Variants in FSIP1 observed in about 807,000 individuals in gnomAD.
The protein encoded by FSIP1 is fibrous sheath-interacting protein 1.
FSIP1 carries 65 observed loss-of-function variants against 60.9 expected under a neutral mutation model. The ratio of observed to expected loss-of-function variants is 1.07; its 90% CI spans 0.87 to 1.31. The LOEUF is 1.31. Among genes scored for constraint, FSIP1 ranks in the 40% most tolerant of loss-of-function variants. The pLI, the probability that FSIP1 is intolerant of heterozygous loss-of-function variation, is 0.00. For synonymous variants in FSIP1, 209 were observed against 221.2 expected, an observed-to-expected ratio of 0.94 and a Z score of 0.49; for missense variants, 675 against 665.5, an observed-to-expected ratio of 1.01 and a Z score of -0.16.
At chr15:39,760,007 A>G (rs1186094053) in intron 5 of FSIP1, among the ~76,000 whole-genome samples, 2 of 152,150 alleles carry the variant, frequency 1.3e-5, no homozygotes, top group Non-Finnish European at 2.9e-5. Context: ...GATTTTTTTC[A>G]GCCAACCACA....
intron 6 of FSIP1, 39 bp downstream of exon 6, chr15:39,741,766 C>A: frequency 9.9e-7 from 1 of 1,005,444 alleles, no homozygotes; most frequent in South Asian, 1.3e-5. Flanking sequence ...CCAGTATTCC[C>A]TTGTGAAAAT....
chr15:39,694,284 C>T (rs1894724686), intron 10 of FSIP1, among the ~76,000 whole-genome samples: 2 of 151,696 alleles, frequency 1.3e-5, no homozygotes, highest in Non-Finnish European at 2.9e-5. Flanking sequence ...ACTAGGAATT[C>T]CCTAACTCAG....
chr15:39,767,317 T>C (rs150919462), intron 3 of FSIP1, among the ~76,000 whole-genome samples: 132 of 152,324 alleles, frequency 8.7e-4, no homozygotes, highest in African/African-American at 2.9e-3. Flanking sequence ...TCCGTGAACA[T>C]AGGTAGTCTA....
intron 10 of FSIP1, among the ~76,000 whole-genome samples, chr15:39,658,069 A>G (rs116367563): frequency 0.015 from 2,324 of 152,272 alleles, 73 homozygotes; most frequent in African/African-American, 0.053. Context: ...AAAATGGGTG[A>G]CTATCTTTCC....
In FSIP1 at chr15:39,668,032, C is replaced by A. The variant is rs1893566172; in HGVS notation, c.1188+45412G>T. ...AGTGAAGAACGGGGTTGAAAATAAA[C>A]CTACAGCAGACAGGAGGAAAACAGT... On this transcript the variant is annotated intron_variant, in intron 10 of 11. Transcript: ENST00000350221. Among the ~76,000 whole-genome samples the A allele has an allele frequency of 3.3e-5, 5 of 152,012 alleles. No individual in the cohort carries two copies. In the South Asian group the frequency reaches 1.0e-3, roughly 32 times the overall value.
chr15:39,646,064 G>C (rs1252526972), intron 10 of FSIP1, among the ~76,000 whole-genome samples: 1 of 152,204 alleles, frequency 6.6e-6, no homozygotes, highest in Non-Finnish European at 1.5e-5. Context: ...TCTGTACTCA[G>C]CCAGAGCAGG....
At chr15:39,711,461 A>C (rs929845261) in intron 10 of FSIP1, among the ~76,000 whole-genome samples, 1 of 152,050 alleles carries the variant, frequency 6.6e-6, no homozygotes, top group Non-Finnish European at 1.5e-5. Context: ...AAACATCCAA[A>C]CCACAGCAGT....
Position 39,617,718 on chromosome 15 carries a change from T to C in FSIP1, c.1699+17A>G, listed in dbSNP as rs1310951377. 6.3e-7 allele frequency: 1 copy of C among 1,593,568 alleles called. No individual in the cohort carries two copies. Among genetic ancestry groups the C allele is most frequent in the South Asian group, 1.1e-5 (1 of 88,554 alleles). Reference sequence around the variant, plus strand: ...TTTAAGAATTATTTACCAAAACACATGTTCGCCAAGCCTCACCTGCTATTG... The same window carrying C: ...TTTAAGAATTATTTACCAAAACACACGTTCGCCAAGCCTCACCTGCTATTG... On this transcript the variant is annotated intron_variant, in intron 11 of 11. Transcript: ENST00000350221.
intron 10 of FSIP1, among the ~76,000 whole-genome samples, chr15:39,642,689 A>T (rs1267439736): frequency 6.6e-6 from 1 of 152,256 alleles, no homozygotes; most frequent in Non-Finnish European, 1.5e-5. Flanking sequence ...TTCAAGGAAG[A>T]TACAAAACAA....
At chr15:39,674,347 T>C (rs7494926) in intron 10 of FSIP1, among the ~76,000 whole-genome samples, 6,045 of 152,184 alleles carry the variant, frequency 0.04, 399 homozygotes, top group African/African-American at 0.14. Flanking sequence ...AGCCACTGCA[T>C]CCGGCCAAAA....
chr15:39,702,983 T>A (rs1337483095), intron 10 of FSIP1, among the ~76,000 whole-genome samples: 3,019 of 9,840 alleles, frequency 0.31, 100 homozygotes, highest in African/African-American at 0.35. Flanking sequence ...CATAATTGTC[T>A]TTTTTTTTTT....
At chr15:39,723,187 G>C (rs28568868) in intron 9 of FSIP1, among the ~76,000 whole-genome samples, 18,079 of 152,132 alleles carry the variant, frequency 0.12, 1,315 homozygotes, top group African/African-American at 0.2. Context: ...TCTAATTAGT[G>C]CCCAAGTCCA....
In FSIP1 at chr15:39,617,795, C is replaced by A. The variant is rs752780154; in HGVS notation, c.1639G>T (p.Val547Leu). The part of the protein sequence containing the change: ...FLDDPLYGIS[V>L]SLSSEDQHLK... ...TGTTGGTCTTCTGATGAAAGGCTCA[C>A]ACTGATACCATACAGTGGATCATCT... is the stretch of plus-strand genomic sequence containing the variant. Residue 547 changes from valine to leucine, a missense_variant, in exon 11 of 12, where the codon GTG (valine) becomes TTG (leucine). Physicochemically the swap from Val to Leu is conservative, Grantham distance 32 (BLOSUM62 1). Transcript: ENST00000350221. The A allele has an allele frequency of 6.2e-7, 1 of 1,614,026 alleles. No individual in the cohort carries two copies. The highest frequency in any genetic ancestry group is 1.3e-5 in the African/African-American group (1 of 74,942).
rs1890613860 is a variant in FSIP1 at position 39,600,875 on chromosome 15, C to T, written c.*5G>A. 1 of 1,602,890 alleles carries T rather than the reference C, an allele frequency of 6.2e-7. No individual in the cohort carries two copies. Among genetic ancestry groups the T allele is most frequent in the Admixed American group, 1.7e-5 (1 of 57,332 alleles). ...TTCTGAAAAGCACACCCAGCAAGTC[C>T]TTGATTAGGGTTCTTTACATTCTTC... On this transcript the variant is annotated 3_prime_UTR_variant, in exon 12 of 12. Transcript: ENST00000350221.
At chr15:39,682,906 C>T (rs1022644016) in intron 10 of FSIP1, among the ~76,000 whole-genome samples, 1 of 152,174 alleles carries the variant, frequency 6.6e-6, no homozygotes, top group East Asian at 1.9e-4. Flanking sequence ...TTCCCAAACT[C>T]TCTTGCTATA....
intron 10 of FSIP1, among the ~76,000 whole-genome samples, chr15:39,702,068 T>TG (rs1290621514): frequency 6.6e-6 from 1 of 152,128 alleles, no homozygotes; most frequent in Admixed American, 6.5e-5. Flanking sequence ...GTAACTCTCA[T>TG]GGGGGACTTC....
At chr15:39,604,621 G>A (rs1311604983) in intron 11 of FSIP1, among the ~76,000 whole-genome samples, 2 of 152,086 alleles carry the variant, frequency 1.3e-5, no homozygotes, top group Non-Finnish European at 2.9e-5. Context: ...TTTCTAATAT[G>A]GCATCTCTGA....
intron 9 of FSIP1, among the ~76,000 whole-genome samples, chr15:39,714,972 CAAAAA>C: frequency 1.1e-5 from 1 of 89,572 alleles, no homozygotes; most frequent in African/African-American, 4.5e-5. Flanking sequence ...GACTCTGTCT[CAAAAA>C]AAAAAAAAAA....
chr15:39,702,062 C>T (rs1172566281), intron 10 of FSIP1, among the ~76,000 whole-genome samples: 4 of 152,108 alleles, frequency 2.6e-5, no homozygotes, highest in East Asian at 3.9e-4. Context: ...TCGTTGGTAA[C>T]TCTCATGGGG....
Sources: allele counts gnomAD v4.1 joint callset (sites outside exome capture counted in the v4.1 genomes callset), GRCh38; gene constraint gnomAD v4.1.1; transcripts MANE v1.5; gene names NCBI Gene and HGNC (gene_info 2026-07-23, HGNC 2026-07-21).